Variants in LRRTM4 observed in about 807,000 individuals in gnomAD.
LRRTM4 encodes leucine rich repeat transmembrane neuronal 4, also known as leucine-rich repeat transmembrane neuronal protein 4.
A neutral mutation model predicts 47.6 loss-of-function variants in LRRTM4; 25 were observed. The ratio of observed to expected loss-of-function variants is 0.53; its 90% CI spans 0.38 to 0.73. The LOEUF (loss-of-function observed/expected upper bound fraction) is 0.73, where lower values mean the gene tolerates loss of function less well. Among genes scored for constraint, LRRTM4 ranks in the 30% least tolerant of loss-of-function variants. The probability of loss-of-function intolerance (pLI) is 0.00; values close to 1 mark genes in which losing one functional copy is unlikely to be tolerated. For synonymous variants in LRRTM4, 311 were observed against 269.5 expected (o/e 1.15, Z -1.51); for missense variants, 638 against 713.4 (o/e 0.89, Z 1.20).
At chr2:76,755,338 T>C (rs1672990918) in intron 3 of LRRTM4, among the ~76,000 whole-genome samples, 1 of 152,182 alleles carries the variant, frequency 6.6e-6, no homozygotes, top group South Asian at 2.1e-4. Context: ...AACACTATTT[T>C]GAGAAAGTAC....
chr2:76,857,939 C>CA (rs1207009673), intron 3 of LRRTM4, among the ~76,000 whole-genome samples: 2 of 152,008 alleles, frequency 1.3e-5, no homozygotes, highest in Admixed American at 6.6e-5. Flanking sequence ...AAGTTTACTC[C>CA]AACAGGTACT....
chr2:76,840,328 C>G (rs1193972762), intron 3 of LRRTM4, among the ~76,000 whole-genome samples: 3 of 152,204 alleles, frequency 2.0e-5, no homozygotes, highest in Non-Finnish European at 4.4e-5. Flanking sequence ...AAAGCATCCT[C>G]TCAGGAGCTG....
chr2:77,518,038 C>G, intron 3 of LRRTM4: 5 of 1,158,988 alleles, frequency 4.3e-6, no homozygotes, highest in Middle Eastern at 7.1e-4. Flanking sequence ...AAGTCCAACC[C>G]CTGTATACAA....
chr2:77,428,256 C>G (rs1322202844), intron 3 of LRRTM4, among the ~76,000 whole-genome samples: 1 of 152,110 alleles, frequency 6.6e-6, no homozygotes. Flanking sequence ...TACAGAAACA[C>G]GAGAATGGAC....
rs74835307 is a variant in LRRTM4, at chr2:77,188,635, G to A, written c.1551+329683C>T. Among the ~76,000 whole-genome samples, 580 of 152,054 alleles carry A rather than the reference G, an allele frequency of 3.8e-3. 2 individuals carry two copies. The highest frequency in any genetic ancestry group is 4.9e-3 in the Non-Finnish European group (331 of 67,970). On this transcript the variant is annotated intron_variant, in intron 3 of 3. Transcript: ENST00000409884. ...ATCCATCCACACTGCAACCTCTTCC[G>A]CCACACTTGAAGGATGGCCCCCATC...
At chr2:77,191,099 T>C (rs1433232504) in intron 3 of LRRTM4, among the ~76,000 whole-genome samples, 1 of 152,170 alleles carries the variant, frequency 6.6e-6, no homozygotes, top group Non-Finnish European at 1.5e-5. Flanking sequence ...TTTCTAGCAC[T>C]GTAAGTTTTT....
intron 3 of LRRTM4, among the ~76,000 whole-genome samples, chr2:77,161,960 C>T (rs1198394851): frequency 2.6e-5 from 4 of 152,140 alleles, no homozygotes. Flanking sequence ...CCAGCGTGAG[C>T]AACACAGAAG....
At position 77,516,833 on chromosome 2, in the gene LRRTM4, G is replaced by T. The variant is rs533815897; in HGVS notation, c.1551+1485C>A. ...CAATAGTCCAAATTGTACTGAGTTA[G>T]AGATTATTTCAAATTCAGTGCTTTG... is the stretch of plus-strand genomic sequence containing the variant. On this transcript the variant is annotated intron_variant, in intron 3 of 3. Transcript: ENST00000409884. The T allele has an allele frequency of 6.1e-6, 6 of 984,266 alleles. No individual in the cohort carries two copies. The Admixed American group carries it at 2.5e-4, about 40-fold the overall frequency. The allele number at this position is 984,266 out of a possible 1,614,324, so 61.0% of individuals were successfully genotyped here.
chr2:77,316,541 T>G, intron 3 of LRRTM4, among the ~76,000 whole-genome samples: 1 of 146,458 alleles, frequency 6.8e-6, no homozygotes, highest in Middle Eastern at 3.5e-3. Flanking sequence ...AATGGGAATA[T>G]AAATTGCTAT....
intron 3 of LRRTM4, among the ~76,000 whole-genome samples, chr2:77,236,748 T>C (rs1239264193): frequency 6.6e-6 from 1 of 152,184 alleles, no homozygotes; most frequent in South Asian, 2.1e-4. Flanking sequence ...CTGGATTTTA[T>C]TGAAAGCTTT....
chr2:76,778,700 T>A (rs1278334670), intron 3 of LRRTM4, among the ~76,000 whole-genome samples: 1 of 151,700 alleles, frequency 6.6e-6, no homozygotes, highest in Non-Finnish European at 1.5e-5. Flanking sequence ...GTTGATCCTT[T>A]CAAAAAACCA....
chr2:77,149,227 T>C (rs1414311214), intron 3 of LRRTM4, among the ~76,000 whole-genome samples: 1 of 152,132 alleles, frequency 6.6e-6, no homozygotes, highest in Non-Finnish European at 1.5e-5. Flanking sequence ...ATAAAATATC[T>C]CAATGACCTT....
At chr2:77,250,013 T>A (rs1675559682) in intron 3 of LRRTM4, among the ~76,000 whole-genome samples, 1 of 151,938 alleles carries the variant, frequency 6.6e-6, no homozygotes, top group Non-Finnish European at 1.5e-5. Context: ...TATCAAATCA[T>A]CAAAAGACAT....
rs189044880 is a variant in LRRTM4, at chr2:76,888,309, G to C, written c.1552-139393C>G. 4.6e-5 allele frequency among the ~76,000 whole-genome samples: 7 copies of C among 151,288 alleles called. No individual in the cohort carries two copies. The East Asian group carries it at 1.2e-3, about 25-fold the overall frequency. The stretch of plus-strand genomic sequence containing the variant: ...TATACTAATATGTAATTAAGATTTA[G>C]TTGTAGAAGTATATTTATATTTTAA... On this transcript the variant is annotated intron_variant, in intron 3 of 3. Transcript: ENST00000409884.
intron 3 of LRRTM4, among the ~76,000 whole-genome samples, chr2:76,776,297 G>A (rs1019209978): frequency 3.4e-4 from 52 of 152,108 alleles, no homozygotes; most frequent in South Asian, 2.1e-4. Flanking sequence ...TGGGTCAAAT[G>A]GTATTTCCAG....
At chr2:77,404,869 G>A (rs1229933052) in intron 3 of LRRTM4, among the ~76,000 whole-genome samples, 2 of 152,068 alleles carry the variant, frequency 1.3e-5, no homozygotes, top group African/African-American at 4.8e-5. Context: ...GCTGCATAGA[G>A]TAAAAGTTTT....
At chr2:77,169,906 TTTG>T (rs1309145908) in intron 3 of LRRTM4, among the ~76,000 whole-genome samples, 2 of 152,158 alleles carry the variant, frequency 1.3e-5, no homozygotes, top group African/African-American at 2.4e-5. Flanking sequence ...TAGGTCTAAG[TTTG>T]TTGTGCGTTG....
At chr2:76,983,148 G>C (rs752260215) in intron 3 of LRRTM4, among the ~76,000 whole-genome samples, 2 of 152,002 alleles carry the variant, frequency 1.3e-5, no homozygotes, top group Non-Finnish European at 2.9e-5. Flanking sequence ...ATTTTTGCCA[G>C]TGTAGAGAAA....
intron 3 of LRRTM4, among the ~76,000 whole-genome samples, chr2:76,850,145 C>T (rs74318710): frequency 0.024 from 3,651 of 152,194 alleles, 153 homozygotes; most frequent in African/African-American, 0.083. Flanking sequence ...TCAAGTTAAA[C>T]CCATTACTTT....
Sources: gnomAD v4.1 joint callset for allele counts (sites outside exome capture counted in the v4.1 genomes callset) on GRCh38, gnomAD v4.1.1 for gene constraint, MANE v1.5 for transcripts, NCBI Gene and HGNC (gene_info 2026-07-23, HGNC 2026-07-21) for gene names.